The following LRRTM4 variants were observed in gnomAD, a reference collection of about 807,000 sequenced individuals.
LRRTM4 encodes the protein leucine-rich repeat transmembrane neuronal protein 4.
A neutral mutation model predicts 47.6 loss-of-function variants in LRRTM4; 25 were observed. That is an observed-to-expected ratio of 0.53 (90% CI 0.38 to 0.73). The LOEUF is 0.73. LRRTM4 is among the 30% of genes least tolerant of loss of function. LRRTM4 has a pLI of 0.00. For missense variants in LRRTM4, 638 were observed against 713.4 expected, an observed-to-expected ratio of 0.89 and a Z score of 1.20; for synonymous variants, 311 against 269.5, an observed-to-expected ratio of 1.15 and a Z score of -1.51.
rs75687283 is a variant in LRRTM4 at position 77,051,585 on chromosome 2, G to C, written c.1552-302669C>G. ...CCAGTGAATCACTAGCCATGTGTGT[G>C]AGTGTGCTCCTAAAATTAATACATG... On this transcript the variant is annotated intron_variant, in intron 3 of 3. Coordinates refer to ENST00000409884, the MANE Select transcript of LRRTM4 (RefSeq NM_001134745.3). Among the ~76,000 whole-genome samples, 344 of 152,288 alleles carry C rather than the reference G, an allele frequency of 2.3e-3. 2 individuals are homozygous for C. The highest frequency in any genetic ancestry group is 7.8e-3 in the African/African-American group (326 of 41,554).
At chr2:77,277,841 G>A (rs1177842079) in intron 3 of LRRTM4, among the ~76,000 whole-genome samples, 2 of 151,958 alleles carry the variant, frequency 1.3e-5, no homozygotes, top group Non-Finnish European at 2.9e-5. Flanking sequence ...TTTTAAAGTA[G>A]CTCTGTATGG....
At chr2:77,472,466 A>C (rs138821881) in intron 3 of LRRTM4, among the ~76,000 whole-genome samples, 21 of 152,168 alleles carry the variant, frequency 1.4e-4, no homozygotes, top group African/African-American at 4.6e-4. Flanking sequence ...TTCAGTGTTC[A>C]TGGACACTTA....
At chr2:77,217,826 A>C (rs763676679) in intron 3 of LRRTM4, among the ~76,000 whole-genome samples, 32 of 152,272 alleles carry the variant, frequency 2.1e-4, no homozygotes, top group Admixed American at 9.2e-4. Context: ...AGCATGGAAC[A>C]TTCATATCTT....
chr2:77,169,403 C>G (rs1408436289), intron 3 of LRRTM4, among the ~76,000 whole-genome samples: 1 of 151,956 alleles, frequency 6.6e-6, no homozygotes, highest in African/African-American at 2.4e-5. Context: ...ATTATTTTCA[C>G]AGTCTTTTTC....
chr2:77,509,210 C>A (rs1354767144), intron 3 of LRRTM4, among the ~76,000 whole-genome samples: 1 of 130,884 alleles, frequency 7.6e-6, no homozygotes, highest in Non-Finnish European at 1.5e-5. Context: ...CCAGCCTGGG[C>A]AACAGAGTGA....
At chr2:77,018,836 C>T (rs186990135) in intron 3 of LRRTM4, among the ~76,000 whole-genome samples, 5 of 152,112 alleles carry the variant, frequency 3.3e-5, no homozygotes, top group Admixed American at 2.0e-4. Flanking sequence ...TATTATTCTT[C>T]TTTCATGAAA....
chr2:76,998,335 G>T (rs1413743994), intron 3 of LRRTM4, among the ~76,000 whole-genome samples: 2 of 152,090 alleles, frequency 1.3e-5, no homozygotes, highest in Admixed American at 6.6e-5. Context: ...TAACTAGAGA[G>T]CTGAGGGATT....
chr2:77,254,636 T>C (rs1365387471), intron 3 of LRRTM4, among the ~76,000 whole-genome samples: 5 of 151,752 alleles, frequency 3.3e-5, no homozygotes, highest in Admixed American at 6.6e-5. Context: ...GAGAATAAAT[T>C]TAAGATAATT....
intron 3 of LRRTM4, among the ~76,000 whole-genome samples, chr2:77,298,941 T>C (rs1018107826): frequency 6.6e-6 from 1 of 152,142 alleles, no homozygotes; most frequent in Non-Finnish European, 1.5e-5. Context: ...TTGATCAAGC[T>C]CTATGAGAAA....
chr2:77,110,354 C>A (rs1671217085), intron 3 of LRRTM4, among the ~76,000 whole-genome samples: 1 of 152,046 alleles, frequency 6.6e-6, no homozygotes. Flanking sequence ...CATCTTCAGG[C>A]AGGTAAAAAT....
chr2:77,521,644 AG>A (rs758878777), intron 2 of LRRTM4, 23 bp downstream of exon 2: 25 of 1,612,340 alleles, frequency 1.6e-5, no homozygotes, highest in Non-Finnish European at 2.1e-5. Context: ...TTTGCTCAGA[AG>A]GAAACAACAA....
At chr2:77,491,679 C>T (rs978596718) in intron 3 of LRRTM4, among the ~76,000 whole-genome samples, 2 of 151,388 alleles carry the variant, frequency 1.3e-5, no homozygotes, top group African/African-American at 2.4e-5. Flanking sequence ...AATATATTAA[C>T]GACATTATAC....
intron 3 of LRRTM4, among the ~76,000 whole-genome samples, chr2:77,057,089 A>C (rs1221233554): frequency 6.6e-6 from 1 of 152,222 alleles, no homozygotes; most frequent in Non-Finnish European, 1.5e-5. Context: ...ACAAAGCCTT[A>C]AATATTTAGC....
chr2:77,470,776 A>C (rs550356031), intron 3 of LRRTM4, among the ~76,000 whole-genome samples: 1 of 152,316 alleles, frequency 6.6e-6, no homozygotes, highest in South Asian at 2.1e-4. Flanking sequence ...TTTTAAATGG[A>C]CAACTGCACC....
chr2:76,932,039 A>C (rs968616854), intron 3 of LRRTM4, among the ~76,000 whole-genome samples: 5 of 152,164 alleles, frequency 3.3e-5, no homozygotes, highest in Non-Finnish European at 5.9e-5. Flanking sequence ...GATGACTTCG[A>C]TCAGTAACTA....
At chr2:77,414,282 T>A (rs1388305535) in intron 3 of LRRTM4, among the ~76,000 whole-genome samples, 1 of 152,140 alleles carries the variant, frequency 6.6e-6, no homozygotes, top group Non-Finnish European at 1.5e-5. Context: ...AAAACAAAGA[T>A]GAGTAAGCCA....
chr2:76,844,790 TATA>T (rs1573201462), intron 3 of LRRTM4, among the ~76,000 whole-genome samples: 1 of 152,218 alleles, frequency 6.6e-6, no homozygotes, highest in Non-Finnish European at 1.5e-5. Flanking sequence ...GGAGTGCTGG[TATA>T]ATATTACCAA....
intron 3 of LRRTM4, among the ~76,000 whole-genome samples, chr2:77,445,369 A>G (rs1676011867): frequency 1.3e-5 from 2 of 151,876 alleles, no homozygotes; most frequent in African/African-American, 4.8e-5. Context: ...TGCCTCTGGG[A>G]AAGTATTTTC....
At chr2:77,421,036 C>G (rs1674858830) in intron 3 of LRRTM4, among the ~76,000 whole-genome samples, 1 of 151,226 alleles carries the variant, frequency 6.6e-6, no homozygotes, top group Non-Finnish European at 1.5e-5. Context: ...CTTGAAAGAA[C>G]TTGGTATAGC....
Sources: gnomAD v4.1 joint callset for allele counts (sites outside exome capture counted in the v4.1 genomes callset) on GRCh38, gnomAD v4.1.1 for gene constraint, MANE v1.5 for transcripts, NCBI Gene and HGNC (gene_info 2026-07-23, HGNC 2026-07-21) for gene names.